Variants in BMF observed in about 807,000 individuals in gnomAD.
The protein encoded by BMF is Bcl2 modifying factor.
BMF carries 10 observed loss-of-function variants against 22.0 expected under a neutral mutation model. The observed-to-expected ratio is 0.45, with a 90% CI of 0.28 to 0.77. The LOEUF (loss-of-function observed/expected upper bound fraction) is 0.77, where lower values mean the gene tolerates loss of function less well. Among genes scored for constraint, BMF ranks in the 30% least tolerant of loss-of-function variants. The pLI, the probability that BMF is intolerant of heterozygous loss-of-function variation, is 0.13. For missense variants in BMF, 206 were observed against 226.8 expected (o/e 0.91, Z 0.59); for synonymous variants, 87 against 88.1 (o/e 0.99, Z 0.07).
chr15:40,103,348 G>A (rs2036517553), intron 4 of BMF, among the ~76,000 whole-genome samples: 1 of 152,218 alleles, frequency 6.6e-6, no homozygotes, highest in African/African-American at 2.4e-5. Flanking sequence ...TCCTCTCCCA[G>A]CCTTGGCAGC....
At chr15:40,094,494 A>C in intron 4 of BMF, among the ~76,000 whole-genome samples, 1 of 152,232 alleles carries the variant, frequency 6.6e-6, no homozygotes, top group East Asian at 1.9e-4. Context: ...GGGACCAGGA[A>C]TCAGAGGACC....
Position 40,105,825 on chromosome 15 carries a change from C to T in BMF, c.262G>A (p.Val88Met). The T allele has an allele frequency of 6.2e-7, 1 of 1,612,872 alleles. No individual in the cohort carries two copies. Among genetic ancestry groups the T allele is most frequent in the Non-Finnish European group, 8.5e-7 (1 of 1,179,354 alleles). ...AAGAGTCGCTGGGGTTCCTCAGTCA[C>T]CCCACAAGGCAGCATGACACCTTGG... ...PSQGVMLPCG[V>M]TEEPQRLFYG... Residue 88 changes from valine to methionine, a missense_variant, in exon 3 of 5, where the codon GTG becomes ATG. By Grantham distance (21) the Val-to-Met change is conservative (BLOSUM62 1). Transcript: ENST00000354670.
At chr15:40,101,567 T>C (rs1007767420) in intron 4 of BMF, among the ~76,000 whole-genome samples, 1 of 152,130 alleles carries the variant, frequency 6.6e-6, no homozygotes, top group African/African-American at 2.4e-5. Context: ...AGATAAAGGA[T>C]AAGAATGGAG....
chr15:40,105,319 C>T (rs1340302730), intron 3 of BMF, among the ~76,000 whole-genome samples: 1 of 152,252 alleles, frequency 6.6e-6, no homozygotes, highest in Non-Finnish European at 1.5e-5. Context: ...TGGGCCCAGG[C>T]AGGCCCAACC....
rs2140980847 is a variant in BMF, at chr15:40,088,433, T to C, written c.*3354A>G. On this transcript the variant is annotated 3_prime_UTR_variant, in exon 5 of 5. Transcript: ENST00000354670. ...GTTTCCAGCCCAGGCCAGCACTGATTTGCAGAAGGCCTGCAGAGCCATGGT... is the reference window on the plus strand; with the variant it reads ...GTTTCCAGCCCAGGCCAGCACTGATCTGCAGAAGGCCTGCAGAGCCATGGT... 6.6e-6 allele frequency: 1 copy of C among 152,442 alleles called. No individual in the cohort carries two copies. Among genetic ancestry groups the C allele is most frequent in the East Asian group, 1.9e-4 (1 of 5,188 alleles). 9.4% of individuals were successfully genotyped at this position (152,442 alleles called of 1,614,324 possible).
chr15:40,104,609 T>C (rs1399567711), intron 3 of BMF, among the ~76,000 whole-genome samples: 1 of 152,174 alleles, frequency 6.6e-6, no homozygotes, highest in Non-Finnish European at 1.5e-5. Context: ...GGTGGTAACG[T>C]GTGCAGGCGA....
intron 4 of BMF, 33 bp downstream of exon 4, chr15:40,104,147 C>T: frequency 6.2e-7 from 1 of 1,611,766 alleles, no homozygotes; most frequent in Non-Finnish European, 8.5e-7. Flanking sequence ...CCCCAGCAGA[C>T]TCAACCCTCC....
intron 4 of BMF, among the ~76,000 whole-genome samples, chr15:40,103,538 C>A (rs1391307203): frequency 6.6e-6 from 1 of 152,230 alleles, no homozygotes; most frequent in Non-Finnish European, 1.5e-5. Context: ...ACACGTGATG[C>A]CCCGCCCTGG....
At chr15:40,102,924 C>T (rs2141041462) in intron 4 of BMF, among the ~76,000 whole-genome samples, 1 of 152,296 alleles carries the variant, frequency 6.6e-6, no homozygotes, top group Non-Finnish European at 1.5e-5. Flanking sequence ...ATAGGGCCAC[C>T]CTCCCTTCCT....
At position 40,104,514 on chromosome 15, in the gene BMF, A is replaced by G. The variant is rs188868474; in HGVS notation, c.293-174T>C. 3.9e-5 allele frequency among the ~76,000 whole-genome samples: 6 copies of G among 152,322 alleles called. No homozygotes were observed. In the East Asian group the frequency reaches 1.2e-3, roughly 29 times the overall value. On this transcript the variant is annotated intron_variant, in intron 3 of 4. Coordinates refer to ENST00000354670, the MANE Select transcript of BMF (RefSeq NM_001003940.2). The stretch of plus-strand genomic sequence containing the variant: ...CCAAGCTTGGACAGCCTGCTGCCCA[A>G]GTGCATAAAAGTTGCAGAACAGAAA...
chr15:40,091,834 G>A lies in BMF; in HGVS notation c.508C>T (p.Leu170Phe), dbSNP rs1367139666. The A allele has an allele frequency of 6.2e-6, 10 of 1,611,852 alleles. No individual in the cohort carries two copies. Among genetic ancestry groups the A allele is most frequent in the South Asian group, 2.2e-5 (2 of 90,590 alleles). ...CTGTTCTCTTCTCCATTCAAAGCAA[G>A]GTTGTGCAGGAAGAGGAGGATCTGC... ...WWQILLFLHN[L>F]ALNGEENRNG... Residue 170 changes from leucine to phenylalanine, a missense_variant, in exon 5 of 5, where the codon CTT becomes TTT. Coordinates refer to ENST00000354670, the MANE Select transcript of BMF (RefSeq NM_001003940.2).
chr15:40,091,988 G>C (rs1191913139), intron 4 of BMF, 100 bp from the exon 5 acceptor site: 3 of 919,086 alleles, frequency 3.3e-6, no homozygotes, highest in Non-Finnish European at 5.2e-6. Context: ...CAAGTCTCAC[G>C]GCTGGCACTT....
At chr15:40,099,837 CATAACTT>C (rs2036440344) in intron 4 of BMF, among the ~76,000 whole-genome samples, 1 of 146,172 alleles carries the variant, frequency 6.8e-6, no homozygotes, top group African/African-American at 2.5e-5. Context: ...CCCACGAACA[CATAACTT>C]ATAAGTGGCA....
chr15:40,107,241 C>G (rs369949728), intron 2 of BMF, among the ~76,000 whole-genome samples: 58 of 152,348 alleles, frequency 3.8e-4, no homozygotes, highest in Middle Eastern at 3.4e-3. Flanking sequence ...TCATTCTTGT[C>G]AGACTCAATT....
At chr15:40,104,432 G>A in intron 3 of BMF, 92 bp from the exon 4 acceptor site, 12 of 1,510,860 alleles carry the variant, frequency 7.9e-6, no homozygotes, top group Non-Finnish European at 1.1e-5. Context: ...GGAGGCTGAG[G>A]GTAAATCCTC....
Position 40,091,895 on chromosome 15 carries a change from G to GA in BMF, c.454-8_454-7insT. 6.3e-7 allele frequency: 1 copy of GA among 1,577,568 alleles called. No homozygotes were observed. The highest frequency in any genetic ancestry group is 1.4e-5 in the African/African-American group (1 of 72,894). On this transcript the variant is annotated splice_region_variant and splice_polypyrimidine_tract_variant and intron_variant, in intron 4 of 4. Coordinates refer to ENST00000354670, the MANE Select transcript of BMF (RefSeq NM_001003940.2). Reference sequence around the variant, plus strand: ...GATTTTGGTTCTGCTGGTGCTGAAGGGAGAAAAAAAAAAAAGACCAACATA... The same window carrying GA: ...GATTTTGGTTCTGCTGGTGCTGAAGGAGAGAAAAAAAAAAAAGACCAACATA...
intron 4 of BMF, among the ~76,000 whole-genome samples, chr15:40,100,738 A>G (rs1316604546): frequency 6.6e-6 from 1 of 152,220 alleles, no homozygotes; most frequent in African/African-American, 2.4e-5. Context: ...AACGACACCC[A>G]GGGAAACTTG....
chr15:40,105,430 T>C (rs1447965341), intron 3 of BMF, among the ~76,000 whole-genome samples: 1 of 152,212 alleles, frequency 6.6e-6, no homozygotes, highest in Non-Finnish European at 1.5e-5. Flanking sequence ...GGCTGGGTTT[T>C]TCCCTTCATT....
rs536397102 is a variant in BMF at position 40,105,903 on chromosome 15, G to C, written c.184C>G (p.Pro62Ala). 6.2e-7 allele frequency: 1 copy of C among 1,614,158 alleles called. No individual in the cohort carries two copies. The highest frequency in any genetic ancestry group is 1.1e-5 in the South Asian group (1 of 91,076). ...GTAGCTTTGTCTTCCTGGCTGGTGGGTCGAAGGCCAGGGCCACAGCAGTGG... is the reference window on the plus strand; with the variant it reads ...GTAGCTTTGTCTTCCTGGCTGGTGGCTCGAAGGCCAGGGCCACAGCAGTGG... ...LTHCCGPGLR[P>A]TSQEDKATQT... The change falls in exon 3 of 5, where the codon CCC (proline) becomes GCC (alanine). Residue 62 changes from proline (P) to alanine (A), a missense_variant. Coordinates refer to ENST00000354670, the MANE Select transcript of BMF (RefSeq NM_001003940.2).
Sources: allele counts gnomAD v4.1 joint callset (sites outside exome capture counted in the v4.1 genomes callset), GRCh38; gene constraint gnomAD v4.1.1; transcripts MANE v1.5; gene names NCBI Gene and HGNC (gene_info 2026-07-23, HGNC 2026-07-21).